DCDC2: variants seen among roughly 807,000 people sequenced by gnomAD.
DCDC2 encodes doublecortin domain-containing protein 2.
In DCDC2, 40 loss-of-function variants were observed where a neutral mutation model predicts 50.2. The observed-to-expected ratio is 0.80, with a 90% CI of 0.62 to 1.04. The LOEUF is 1.04. Ranked by LOEUF, DCDC2 falls within the 50% of genes least tolerant of loss-of-function variation. The pLI is 0.00. For synonymous variants in DCDC2, 234 were observed against 210.6 expected, an observed-to-expected ratio of 1.11 and a Z score of -0.96; for missense variants, 570 against 581.9, an observed-to-expected ratio of 0.98 and a Z score of 0.21.
At chr6:24,323,183 C>G (rs1445498615) in intron 2 of DCDC2, among the ~76,000 whole-genome samples, 8 of 152,210 alleles carry the variant, frequency 5.3e-5, no homozygotes, top group African/African-American at 1.4e-4. Context: ...GCACTCCAGC[C>G]TCCAGAGCAA....
At chr6:24,222,397 T>C (rs1326543405) in intron 7 of DCDC2, among the ~76,000 whole-genome samples, 1 of 152,228 alleles carries the variant, frequency 6.6e-6, no homozygotes, top group Non-Finnish European at 1.5e-5. Context: ...TTTAGGATAA[T>C]TTTTTTCCAG....
Position 24,280,611 on chromosome 6 carries a change from A to C in DCDC2, c.760-2400T>G, listed in dbSNP as rs372156006. ...GAGTAAAGTGGTGCAATCTCGGCTCACTGCAACCTCCGCCACCTAGGTTCA... is the reference window on the plus strand; with the variant it reads ...GAGTAAAGTGGTGCAATCTCGGCTCCCTGCAACCTCCGCCACCTAGGTTCA... On this transcript the variant is annotated intron_variant, in intron 6 of 9. Transcript: ENST00000378454. Among the ~76,000 whole-genome samples the C allele has an allele frequency of 4.6e-5, 7 of 152,050 alleles. No homozygotes were observed. In the South Asian group the frequency reaches 6.2e-4, roughly 14 times the overall value.
At chr6:24,259,689 CTTCT>C (rs1284417503) in intron 7 of DCDC2, among the ~76,000 whole-genome samples, 1 of 152,072 alleles carries the variant, frequency 6.6e-6, no homozygotes, top group Admixed American at 6.6e-5. Context: ...GTTTTATTTT[CTTCT>C]TTTTTTCAAA....
At chr6:24,335,894 T>C (rs373149831) in intron 2 of DCDC2, among the ~76,000 whole-genome samples, 3 of 152,080 alleles carry the variant, frequency 2.0e-5, no homozygotes, top group African/African-American at 7.2e-5. Flanking sequence ...ACCCTCCACA[T>C]GTGAGGATTA....
the DCDC2 span, among the ~76,000 whole-genome samples, chr6:24,379,757 A>G: frequency 6.6e-6 from 1 of 152,188 alleles, no homozygotes; most frequent in Non-Finnish European, 1.5e-5. Flanking sequence ...TTATTGGGCC[A>G]CTATTCACAA....
the DCDC2 span, among the ~76,000 whole-genome samples, chr6:24,371,370 A>G: frequency 6.6e-6 from 1 of 151,634 alleles, no homozygotes; most frequent in Admixed American, 6.6e-5. Context: ...TTGGGAAGCC[A>G]AGGCAGGTGG....
At chr6:24,233,540 G>A (rs1369075400) in intron 7 of DCDC2, among the ~76,000 whole-genome samples, 1 of 152,112 alleles carries the variant, frequency 6.6e-6, no homozygotes, top group African/African-American at 2.4e-5. Flanking sequence ...ATAAATCCAT[G>A]TTATTTTAAC....
At chr6:24,195,747 C>G (rs1352042021) in intron 8 of DCDC2, among the ~76,000 whole-genome samples, 1 of 152,190 alleles carries the variant, frequency 6.6e-6, no homozygotes, top group Non-Finnish European at 1.5e-5. Context: ...AAAATCACCA[C>G]AAGTTGAGAA....
chr6:24,302,937 C>T (rs113676210), intron 2 of DCDC2, among the ~76,000 whole-genome samples: 13 of 152,128 alleles, frequency 8.5e-5, no homozygotes, highest in African/African-American at 3.1e-4. Context: ...AAATAGAAGC[C>T]AGTAGACACG....
upstream of DCDC2, among the ~76,000 whole-genome samples, chr6:24,358,705 T>A (rs556009246): frequency 0.012 from 1,281 of 107,518 alleles, 11 homozygotes; most frequent in South Asian, 0.023. Context: ...TATATTTTTT[T>A]TATATATATA....
chr6:24,382,881 T>TA, the DCDC2 span, among the ~76,000 whole-genome samples: 1 of 152,230 alleles, frequency 6.6e-6, no homozygotes, highest in African/African-American at 2.4e-5. Flanking sequence ...CTATCAGTTT[T>TA]TTAGTCAGTA....
At chr6:24,359,081 A>T (rs1329163764), upstream of DCDC2, among the ~76,000 whole-genome samples, 2 of 53,228 alleles carry the variant, frequency 3.8e-5, no homozygotes, top group Admixed American at 3.8e-4. Context: ...TATATCATAT[A>T]TTTTTATATA....
chr6:24,208,194 C>T (rs1481548118), intron 7 of DCDC2, among the ~76,000 whole-genome samples: 1 of 152,066 alleles, frequency 6.6e-6, no homozygotes, highest in African/African-American at 2.4e-5. Flanking sequence ...CACCCTATGC[C>T]TTCCATGTCT....
At chr6:24,349,471 G>T (rs1019872020) in intron 2 of DCDC2, among the ~76,000 whole-genome samples, 2 of 152,192 alleles carry the variant, frequency 1.3e-5, no homozygotes, top group Non-Finnish European at 2.9e-5. Flanking sequence ...AAGGGTAGGG[G>T]CAAGAGTAAG....
chr6:24,350,580 C>T (rs1760350424), intron 2 of DCDC2, among the ~76,000 whole-genome samples: 1 of 152,070 alleles, frequency 6.6e-6, no homozygotes, highest in Admixed American at 6.6e-5. Context: ...GAAGGAAATG[C>T]CCCCCATTTT....
intron 7 of DCDC2, among the ~76,000 whole-genome samples, chr6:24,267,036 A>T (rs2113810477): frequency 6.6e-6 from 1 of 152,322 alleles, no homozygotes. Context: ...TCATTATGTT[A>T]AGTGAAATAA....
rs554648545 is a variant in DCDC2 at position 24,289,037 on chromosome 6, C to T, written c.705-131G>A. 11 of 592,444 alleles carry T rather than the reference C, an allele frequency of 1.9e-5. No individual in the cohort carries two copies. In the Admixed American group the frequency reaches 2.4e-4, roughly 13 times the overall value. The allele number at this position is 592,444 out of a possible 1,614,324, so 36.7% of individuals were successfully genotyped here. ...TTTCACAAAAGGTAGATAACATACA[C>T]TTTAACACATACTTTCCCAATTTCA... On this transcript the variant is annotated intron_variant, in intron 5 of 9. Transcript: ENST00000378454.
At chr6:24,200,976 C>T (rs771816186) in intron 8 of DCDC2, among the ~76,000 whole-genome samples, 3 of 151,990 alleles carry the variant, frequency 2.0e-5, no homozygotes, top group Non-Finnish European at 4.4e-5. Flanking sequence ...ATATATGAAC[C>T]CAATACAGGA....
At chr6:24,335,656 A>G (rs1760044660) in intron 2 of DCDC2, among the ~76,000 whole-genome samples, 1 of 152,176 alleles carries the variant, frequency 6.6e-6, no homozygotes, top group African/African-American at 2.4e-5. Context: ...TAAACAAAGG[A>G]GGTTTAATTA....
Sources: allele counts gnomAD v4.1 joint callset (sites outside exome capture counted in the v4.1 genomes callset), GRCh38; gene constraint gnomAD v4.1.1; transcripts MANE v1.5; gene names NCBI Gene and HGNC (gene_info 2026-07-23, HGNC 2026-07-21).